Variants in CLTCL1 observed in about 807,000 individuals in gnomAD.
CLTCL1 encodes clathrin heavy chain 2.
In CLTCL1, 159 loss-of-function variants were observed where a neutral mutation model predicts 190.0. That is an observed-to-expected ratio of 0.84 (90% CI 0.74 to 0.95). The LOEUF is 0.95. CLTCL1 is among the 40% of genes least tolerant of loss of function. The pLI, the probability that CLTCL1 is intolerant of heterozygous loss-of-function variation, is 0.00. For synonymous variants in CLTCL1, 752 were observed against 769.6 expected (o/e 0.98, Z 0.38); for missense variants, 1,878 against 2,033.4 (o/e 0.92, Z 1.47).
In CLTCL1 at chr22:19,210,431, G is replaced by A. The variant is rs782385068; in HGVS notation, c.3144C>T (p.Asp1048=). Residue 1048 remains aspartate, a synonymous_variant, in exon 20 of 33, where the codon GAC becomes GAT. Coordinates refer to ENST00000427926, the MANE Select transcript of CLTCL1 (RefSeq NM_007098.4). ...TRVMEYISRL[D]NYDALDIASI... ...TCGCGATGTCCAGTGCGTCATAGTT[G>A]TCCAGGCGGCTGATGTACTCCATGA... 5 of 1,613,998 alleles carry A rather than the reference G, an allele frequency of 3.1e-6. No individual in the cohort carries two copies. Among genetic ancestry groups the A allele is most frequent in the South Asian group, 2.2e-5 (2 of 91,088 alleles).
chr22:19,183,612 C>T lies in CLTCL1; in HGVS notation c.4606-1G>A. 6.2e-7 allele frequency: 1 copy of T among 1,613,306 alleles called. No homozygotes were observed. Among genetic ancestry groups the T allele is most frequent in the African/African-American group, 1.3e-5 (1 of 75,068 alleles). ...ACTCTGCAGCATGCTGCATGGCATC[C>T]TGCAGCCAAGGCAAATGCTTGCTTG... On this transcript the variant is annotated splice_acceptor_variant, in intron 29 of 32. Transcript: ENST00000427926. LOFTEE classifies it high-confidence loss of function.
intron 18 of CLTCL1, among the ~76,000 whole-genome samples, chr22:19,218,011 C>T (rs2085446654): frequency 6.6e-6 from 1 of 152,176 alleles, no homozygotes; most frequent in Non-Finnish European, 1.5e-5. Flanking sequence ...GTAAACTTTT[C>T]ATAATGAGGT....
intron 3 of CLTCL1, among the ~76,000 whole-genome samples, chr22:19,243,306 G>A (rs1555966449): frequency 6.6e-6 from 1 of 152,140 alleles, no homozygotes; most frequent in African/African-American, 2.4e-5. Flanking sequence ...TGTGTTTTCT[G>A]AAATTTCTAA....
At chr22:19,235,333 C>A (rs371285247) in intron 6 of CLTCL1, among the ~76,000 whole-genome samples, 1 of 152,208 alleles carries the variant, frequency 6.6e-6, no homozygotes, top group South Asian at 2.1e-4. Flanking sequence ...TTGTGCCCAG[C>A]CAAGAGTTTC....
intron 3 of CLTCL1, among the ~76,000 whole-genome samples, chr22:19,253,021 A>G (rs1218033203): frequency 1.1e-4 from 16 of 152,060 alleles, no homozygotes; most frequent in Non-Finnish European, 1.9e-4. Flanking sequence ...CTCAAAAAAA[A>G]AAAAAAAAAA....
At chr22:19,284,729 G>A (rs1460580933) in intron 1 of CLTCL1, among the ~76,000 whole-genome samples, 1 of 152,070 alleles carries the variant, frequency 6.6e-6, no homozygotes, top group East Asian at 1.9e-4. Flanking sequence ...GCTGAGGTGG[G>A]CGGATCACGA....
At chr22:19,222,566 C>T (rs2085607818) in intron 15 of CLTCL1, 118 bp downstream of exon 15, 1 of 1,242,756 alleles carries the variant, frequency 8.0e-7, no homozygotes, top group African/African-American at 1.5e-5. Flanking sequence ...ACGAACCCAC[C>T]ACCCTTCAAA....
intron 2 of CLTCL1, among the ~76,000 whole-genome samples, chr22:19,268,824 G>A (rs1326814757): frequency 6.6e-6 from 1 of 152,188 alleles, no homozygotes; most frequent in Non-Finnish European, 1.5e-5. Context: ...GCCAGGTGCA[G>A]TGGCTCATGC....
intron 12 of CLTCL1, 78 bp downstream of exon 12, chr22:19,226,141 C>T (rs1569195485): frequency 6.1e-6 from 9 of 1,476,218 alleles, no homozygotes; most frequent in Non-Finnish European, 7.4e-6. Context: ...CAATCACCAA[C>T]AGGTGAACAC....
At chr22:19,262,375 G>A (rs2086977517) in intron 2 of CLTCL1, among the ~76,000 whole-genome samples, 1 of 151,258 alleles carries the variant, frequency 6.6e-6, no homozygotes, top group African/African-American at 2.4e-5. Flanking sequence ...GCTCATGCCT[G>A]TAGTCCCAGC....
At chr22:19,258,378 G>A (rs868954551) in intron 2 of CLTCL1, 3 of 419,974 alleles carry the variant, frequency 7.1e-6, no homozygotes, top group Admixed American at 2.9e-5. Context: ...GCAGTCCACC[G>A]AGATCAGAGC....
At chr22:19,232,705 C>T in intron 9 of CLTCL1, 107 bp from the exon 10 acceptor site, 1 of 1,397,452 alleles carries the variant, frequency 7.2e-7, no homozygotes, top group Non-Finnish European at 9.6e-7. Context: ...AAGAAATGAG[C>T]AGCAACATTA....
At chr22:19,184,766 A>C (rs1047678985) in intron 29 of CLTCL1, 3 of 341,198 alleles carry the variant, frequency 8.8e-6, no homozygotes, top group African/African-American at 2.2e-5. Flanking sequence ...CTTCCAGTAG[A>C]AGCAGCCCCC....
chr22:19,219,204 T>C (rs1313493803), intron 18 of CLTCL1, among the ~76,000 whole-genome samples: 3 of 152,056 alleles, frequency 2.0e-5, no homozygotes, highest in African/African-American at 7.2e-5. Flanking sequence ...TTTAATTTTT[T>C]TGAGACAGAG....
chr22:19,252,790 G>A (rs782099973), intron 3 of CLTCL1, among the ~76,000 whole-genome samples: 21 of 152,218 alleles, frequency 1.4e-4, no homozygotes, highest in Admixed American at 7.9e-4. Context: ...CAAGGCGGGC[G>A]GATCACGAGG....
intron 2 of CLTCL1, among the ~76,000 whole-genome samples, chr22:19,269,733 T>C (rs1012639661): frequency 3.3e-5 from 5 of 151,862 alleles, no homozygotes; most frequent in African/African-American, 1.2e-4. Flanking sequence ...GTTGAACAAG[T>C]GAACACATGG....
chr22:19,277,930 A>G (rs930483468), intron 1 of CLTCL1, among the ~76,000 whole-genome samples: 7 of 152,242 alleles, frequency 4.6e-5, no homozygotes, highest in Non-Finnish European at 1.0e-4. Flanking sequence ...CCAGCTATAA[A>G]GCAGGGTTCC....
At chr22:19,275,357 T>C (rs1282280515) in intron 2 of CLTCL1, among the ~76,000 whole-genome samples, 6 of 151,398 alleles carry the variant, frequency 4.0e-5, no homozygotes, top group African/African-American at 1.5e-4. Context: ...CTGTTGTGCG[T>C]TCCTAGTCGC....
intron 2 of CLTCL1, among the ~76,000 whole-genome samples, chr22:19,265,849 A>G (rs1249190352): frequency 6.6e-6 from 1 of 152,196 alleles, no homozygotes; most frequent in Admixed American, 6.6e-5. Context: ...GGGTTTTTCA[A>G]AACAATCAAG....
Sources: gnomAD v4.1 joint callset for allele counts (sites outside exome capture counted in the v4.1 genomes callset) on GRCh38, gnomAD v4.1.1 for gene constraint, MANE v1.5 for transcripts, NCBI Gene and HGNC (gene_info 2026-07-23, HGNC 2026-07-21) for gene names.